UNC13C: variants seen among roughly 807,000 people sequenced by gnomAD.
UNC13C encodes the protein protein unc-13 homolog C.
Under a neutral mutation model 245.4 loss-of-function variants are expected in UNC13C, and 174 were observed. The observed-to-expected ratio is 0.71, with a 90% CI of 0.63 to 0.80. The LOEUF is 0.80. Ranked by LOEUF, UNC13C falls within the 30% of genes least tolerant of loss-of-function variation. The pLI is 0.00. For synonymous variants in UNC13C, 992 were observed against 895.1 expected (o/e 1.11, Z -1.93); for missense variants, 2,829 against 2,602.9 (o/e 1.09, Z -1.89).
intron 4 of UNC13C, among the ~76,000 whole-genome samples, chr15:54,167,240 T>C (rs867477248): frequency 2.6e-5 from 4 of 152,050 alleles, no homozygotes; most frequent in South Asian, 4.1e-4. Flanking sequence ...CGATGGCTCA[T>C]GCCTGTAATC....
chr15:54,004,770 C>A (rs1895061504), intron 1 of UNC13C, among the ~76,000 whole-genome samples: 1 of 152,136 alleles, frequency 6.6e-6, no homozygotes, highest in Non-Finnish European at 1.5e-5. Flanking sequence ...ATATTGAACA[C>A]CTTTTCATAT....
At chr15:54,442,549 A>G (rs1890588614) in intron 19 of UNC13C, among the ~76,000 whole-genome samples, 6 of 151,856 alleles carry the variant, frequency 4.0e-5, no homozygotes, top group African/African-American at 1.5e-4. Flanking sequence ...AGGCTTTCAG[A>G]CTTCCTCACC....
intron 2 of UNC13C, among the ~76,000 whole-genome samples, chr15:54,099,451 C>T (rs1320873536): frequency 3.9e-5 from 6 of 152,142 alleles, no homozygotes; most frequent in African/African-American, 1.4e-4. Flanking sequence ...TCTCCAGCAA[C>T]CCTGCTGTAT....
chr15:54,215,389 G>A (rs537034353), intron 4 of UNC13C, among the ~76,000 whole-genome samples: 43 of 151,974 alleles, frequency 2.8e-4, no homozygotes, highest in African/African-American at 1.0e-3. Flanking sequence ...CATCAGGATA[G>A]TGTATCATTC....
At position 54,500,162 on chromosome 15, in the gene UNC13C, AC is replaced by A; in HGVS notation, c.5145del (p.Asp1715GlufsTer26). 1 of 1,609,618 alleles carries A rather than the reference AC, an allele frequency of 6.2e-7. No homozygotes were observed. On this transcript the variant is annotated frameshift_variant, in exon 21 of 33. Coordinates refer to ENST00000260323, the MANE Select transcript of UNC13C (RefSeq NM_001080534.3). LOFTEE classifies it high-confidence loss of function. ...MEFLHGALGR[D>X]KKDGFQQTSE... ...TTCCTTCATGGAGCACTGGGAAGAG[AC>A]AAAAAAGATGGAGTGAGTTTAAATT... is the stretch of plus-strand genomic sequence containing the variant.
the UNC13C span, among the ~76,000 whole-genome samples, chr15:53,935,625 C>A: frequency 6.6e-6 from 1 of 152,152 alleles, no homozygotes; most frequent in Non-Finnish European, 1.5e-5. Flanking sequence ...TATCCAGGTT[C>A]TCACATTGGG....
intron 17 of UNC13C, among the ~76,000 whole-genome samples, chr15:54,359,247 T>A (rs1197946906): frequency 1.3e-5 from 2 of 151,970 alleles, no homozygotes; most frequent in African/African-American, 4.8e-5. Flanking sequence ...AGTTTTTGCA[T>A]CTATGTTCAA....
At chr15:54,185,002 A>G (rs2033927218) in intron 4 of UNC13C, among the ~76,000 whole-genome samples, 1 of 152,004 alleles carries the variant, frequency 6.6e-6, no homozygotes, top group African/African-American at 2.4e-5. Flanking sequence ...TTTGATTTGC[A>G]TTTCTCTGAT....
chr15:54,338,046 G>A (rs1202077696), intron 16 of UNC13C, among the ~76,000 whole-genome samples: 1 of 152,044 alleles, frequency 6.6e-6, no homozygotes, highest in African/African-American at 2.4e-5. Flanking sequence ...ATTCATTGCT[G>A]TATCACCATT....
intron 25 of UNC13C, 33 bp from the exon 26 acceptor site, chr15:54,532,884 T>A (rs1435291865): frequency 7.1e-7 from 1 of 1,399,372 alleles, no homozygotes; most frequent in Admixed American, 2.2e-5. Context: ...AAATGTATTC[T>A]TATATTTTAG....
At chr15:54,623,178 G>T (rs1454596129) in intron 31 of UNC13C, among the ~76,000 whole-genome samples, 1 of 151,790 alleles carries the variant, frequency 6.6e-6, no homozygotes, top group Non-Finnish European at 1.5e-5. Flanking sequence ...ATTTACACAT[G>T]AGAATCTTCA....
chr15:54,249,840 G>T (rs1189391965), intron 7 of UNC13C, among the ~76,000 whole-genome samples: 1 of 152,146 alleles, frequency 6.6e-6, no homozygotes, highest in Non-Finnish European at 1.5e-5. Context: ...TGAAGTGTCA[G>T]GGAGGACAAG....
At chr15:54,135,889 G>A (rs960404061) in intron 2 of UNC13C, among the ~76,000 whole-genome samples, 2 of 152,040 alleles carry the variant, frequency 1.3e-5, no homozygotes, top group South Asian at 2.1e-4. Context: ...CTTTGAAAAA[G>A]CCATGGGAAT....
chr15:54,551,235 T>G (rs1319134514), intron 28 of UNC13C, among the ~76,000 whole-genome samples: 1 of 152,078 alleles, frequency 6.6e-6, no homozygotes, highest in African/African-American at 2.4e-5. Context: ...AAGTTGGTTG[T>G]CTCTGCTCTC....
chr15:54,578,898 G>A (rs1053671129), intron 30 of UNC13C, among the ~76,000 whole-genome samples: 2 of 152,288 alleles, frequency 1.3e-5, no homozygotes, highest in African/African-American at 4.8e-5. Flanking sequence ...CCTGGCTCCT[G>A]GGTGCCCGTT....
chr15:54,294,349 A>G (rs755925783), intron 11 of UNC13C, among the ~76,000 whole-genome samples: 4 of 152,202 alleles, frequency 2.6e-5, no homozygotes, highest in Non-Finnish European at 5.9e-5. Flanking sequence ...TGTATGAAAT[A>G]CAGCTTCACA....
At chr15:53,918,003 G>A in the UNC13C span, among the ~76,000 whole-genome samples, 28 of 152,082 alleles carry the variant, frequency 1.8e-4, no homozygotes, top group Non-Finnish European at 2.2e-4. Context: ...GGCCGGGCAC[G>A]GGGGGTAGCA....
At chr15:54,607,216 T>C (rs1036756363) in intron 30 of UNC13C, among the ~76,000 whole-genome samples, 14 of 152,102 alleles carry the variant, frequency 9.2e-5, no homozygotes, top group African/African-American at 2.9e-4. Context: ...AGTTGAAGAG[T>C]AGAATGAATT....
In UNC13C at chr15:54,403,355, A is replaced by G. The variant is rs530116058; in HGVS notation, c.4847+10174A>G. Among the ~76,000 whole-genome samples the G allele has an allele frequency of 1.3e-5, 2 of 152,104 alleles. 1 individual carries two copies. The highest frequency in any genetic ancestry group is 4.1e-4 in the South Asian group (2 of 4,824). On this transcript the variant is annotated intron_variant, in intron 18 of 32. Coordinates refer to ENST00000260323, the MANE Select transcript of UNC13C (RefSeq NM_001080534.3). The stretch of plus-strand genomic sequence containing the variant: ...TAGGAGTTCAAGGCTGAAGTGAGCT[A>G]TGATCAGACCACTGCACTTCAGCCT...
Sources: allele counts gnomAD v4.1 joint callset (sites outside exome capture counted in the v4.1 genomes callset), GRCh38; gene constraint gnomAD v4.1.1; transcripts MANE v1.5; gene names NCBI Gene and HGNC (gene_info 2026-07-23, HGNC 2026-07-21).